Variants in SENP2 observed in about 807,000 individuals in gnomAD.
SENP2 encodes the protein SUMO specific peptidase 2, also known as sentrin-specific protease 2.
In SENP2, 16 loss-of-function variants were observed where a neutral mutation model predicts 86.3. That is an observed-to-expected ratio of 0.19 (90% CI 0.13 to 0.28). The LOEUF (loss-of-function observed/expected upper bound fraction) is 0.28, where lower values mean the gene tolerates loss of function less well. SENP2 is among the 10% of genes least tolerant of loss of function. The probability of loss-of-function intolerance (pLI) is 1.00; values close to 1 mark genes in which losing one functional copy is unlikely to be tolerated. For missense variants in SENP2, 552 were observed against 703.0 expected (o/e 0.79, Z 2.43); for synonymous variants, 222 against 238.7 (o/e 0.93, Z 0.64).
At chr3:185,621,482 C>T (rs1229434905) in intron 13 of SENP2, among the ~76,000 whole-genome samples, 2 of 149,302 alleles carry the variant, frequency 1.3e-5, no homozygotes, top group African/African-American at 4.9e-5. Context: ...CTCTGCCTCC[C>T]GGGTTCAAGT....
In SENP2 at chr3:185,613,418, A is replaced by T. The variant is rs774383706; in HGVS notation, c.933+10A>T. ...ATTTGAAAATGAAAGTGTAAGTAAA[A>T]ATCCTAGTTACATTTGATACCTGTT... On this transcript the variant is annotated intron_variant, in intron 10 of 16. Transcript: ENST00000296257. 1 of 1,550,162 alleles carries T rather than the reference A, an allele frequency of 6.5e-7. No individual in the cohort carries two copies. The highest frequency in any genetic ancestry group is 8.9e-7 in the Non-Finnish European group (1 of 1,125,204).
chr3:185,631,239 T>A lies in SENP2; in HGVS notation c.*1395T>A, dbSNP rs1712443337. ...TCTACACGCCTGCCATTTGCAGTGC[T>A]CCGGCTGCTGGTCCCAGAGGTATAC... On this transcript the variant is annotated 3_prime_UTR_variant, in exon 17 of 17. Coordinates refer to ENST00000296257, the MANE Select transcript of SENP2 (RefSeq NM_021627.3). The A allele has an allele frequency of 6.6e-6, 1 of 152,072 alleles. No homozygotes were observed. The highest frequency in any genetic ancestry group is 1.5e-5 in the Non-Finnish European group (1 of 68,012). 9.4% of individuals were successfully genotyped at this position (152,072 alleles called of 1,614,324 possible). A position where few individuals can be genotyped will look rare whatever the true frequency, so the allele number is the denominator to read the frequency against.
chr3:185,626,443 G>T, intron 16 of SENP2, 50 bp downstream of exon 16: 1 of 1,323,096 alleles, frequency 7.6e-7, no homozygotes, highest in Non-Finnish European at 1.1e-6. Flanking sequence ...GCAAGATAAG[G>T]CACTTGGCCA....
Position 185,600,834 on chromosome 3 carries a change from G to T in SENP2, c.428G>T (p.Arg143Leu). ...GTGACAGTTACCCGAGATCAGCCAC[G>T]CAGAGTCCTGCCTTCCTTTGGGTAA... Reference protein sequence around the residue: ...IRVTVTRDQPRRVLPSFGFTL... With the variant: ...IRVTVTRDQPLRVLPSFGFTL... Residue 143 changes from arginine to leucine, a missense_variant, in exon 5 of 17, where the codon CGC becomes CTC. Transcript: ENST00000296257. The T allele has an allele frequency of 6.2e-7, 1 of 1,610,142 alleles. No homozygotes were observed. Among genetic ancestry groups the T allele is most frequent in the Non-Finnish European group, 8.5e-7 (1 of 1,176,488 alleles).
intron 5 of SENP2, 91 bp from the exon 6 acceptor site, chr3:185,606,239 G>A: frequency 1.6e-6 from 2 of 1,229,682 alleles, no homozygotes; most frequent in Non-Finnish European, 2.2e-6. Context: ...TTGACCTAAA[G>A]CAACTTAATC....
chr3:185,629,716 C>T, intron 16 of SENP2, 66 bp from the exon 17 acceptor site: 2 of 1,475,542 alleles, frequency 1.4e-6, no homozygotes, highest in Non-Finnish European at 1.9e-6. Context: ...CATGATTACA[C>T]CTGAAGGTTG....
intron 2 of SENP2, 159 bp from the exon 3 acceptor site, chr3:185,598,253 A>G (rs1577721769): frequency 1.4e-6 from 1 of 725,398 alleles, no homozygotes. Context: ...CAATCCTCCC[A>G]CCTCAGCCTC....
chr3:185,608,464 A>G lies in SENP2; in HGVS notation c.619-783A>G, dbSNP rs560288175. On this transcript the variant is annotated intron_variant, in intron 6 of 16. Coordinates refer to ENST00000296257, the MANE Select transcript of SENP2 (RefSeq NM_021627.3). ...ATGTGTCACTTACAAAGATAACCCT[A>G]TGTTTATGGGGAAGATGATGACTCC... Among the ~76,000 whole-genome samples, 4 of 152,304 alleles carry G rather than the reference A, an allele frequency of 2.6e-5. No individual in the cohort carries two copies. In the East Asian group the frequency reaches 5.8e-4, roughly 22 times the overall value.
chr3:185,627,703 G>A (rs757723647), intron 16 of SENP2, among the ~76,000 whole-genome samples: 9 of 152,148 alleles, frequency 5.9e-5, no homozygotes, highest in Admixed American at 2.0e-4. Context: ...GAGCCACCGC[G>A]CCTGGCCTGT....
At chr3:185,623,821 T>C (rs140684376) in intron 14 of SENP2, among the ~76,000 whole-genome samples, 177 bp from the exon 15 acceptor site, 8,940 of 76,872 alleles carry the variant, frequency 0.12, 478 homozygotes, top group South Asian at 0.36. Context: ...AGCGAGACTC[T>C]GTCTCAAAAA....
At chr3:185,609,892 T>G (rs766166261) in intron 7 of SENP2, among the ~76,000 whole-genome samples, 22 of 152,266 alleles carry the variant, frequency 1.4e-4, no homozygotes, top group Non-Finnish European at 2.8e-4. Flanking sequence ...GAGACAAGAT[T>G]AAAGTCTCCC....
intron 1 of SENP2, among the ~76,000 whole-genome samples, chr3:185,588,660 T>C (rs1345626948): frequency 6.6e-6 from 1 of 152,188 alleles, no homozygotes. Context: ...ATACATGGTT[T>C]TGCCTTATTT....
At chr3:185,626,990 A>G (rs1712175830) in intron 16 of SENP2, among the ~76,000 whole-genome samples, 1 of 149,436 alleles carries the variant, frequency 6.7e-6, no homozygotes, top group Admixed American at 6.8e-5. Flanking sequence ...GAGGCAGGAG[A>G]ATTGCTTGAA....
At chr3:185,592,981 A>C (rs994313469) in intron 2 of SENP2, among the ~76,000 whole-genome samples, 1 of 152,170 alleles carries the variant, frequency 6.6e-6, no homozygotes, top group Non-Finnish European at 1.5e-5. Context: ...ATCACATAAT[A>C]ATGCTAATGT....
At chr3:185,591,640 C>T (rs939719658) in intron 2 of SENP2, among the ~76,000 whole-genome samples, 5 of 152,278 alleles carry the variant, frequency 3.3e-5, no homozygotes, top group East Asian at 3.9e-4. Context: ...CGTGAGCCCC[C>T]GCGCCTGGCC....
rs888824271 is a variant in SENP2, at chr3:185,586,620, C to A, written c.101+106C>A. ...TCAGCCAGGCTCACCCGAAACAGGT[C>A]GCCGGGATCCTAGTGACGTAGTCGC... On this transcript the variant is annotated intron_variant, in intron 1 of 16. Transcript: ENST00000296257. The surrounding 1 kb of genome is among the most constrained non-coding windows in gnomAD (Gnocchi z 4.3). 5 of 1,047,384 alleles carry A rather than the reference C, an allele frequency of 4.8e-6. No individual in the cohort carries two copies. In the African/African-American group the frequency reaches 7.8e-5, roughly 16 times the overall value. The allele number at this position is 1,047,384 out of a possible 1,614,324, so 64.9% of individuals were successfully genotyped here.
chr3:185,618,205 AAGT>A (rs1403305849), intron 12 of SENP2, among the ~76,000 whole-genome samples: 1 of 152,182 alleles, frequency 6.6e-6, no homozygotes. Context: ...TGGCCTCCCA[AAGT>A]GCTGGGATTA....
rs549399785 is a variant in SENP2 at position 185,632,251 on chromosome 3, T to G, written c.*2407T>G. On this transcript the variant is annotated 3_prime_UTR_variant, in exon 17 of 17. Transcript: ENST00000296257. ...TTTTTTTTTTTGTTTTTTTTTTTTT[T>G]TTTTGCGACAGAGTCTCTTGTCGCC... The G allele has an allele frequency of 5.7e-4, 77 of 134,596 alleles. No individual in the cohort carries two copies. The highest frequency in any genetic ancestry group is 1.9e-3 in the African/African-American group (68 of 35,036). The allele number at this position is 134,596 out of a possible 1,614,324, so 8.3% of individuals were successfully genotyped here.
intron 15 of SENP2, among the ~76,000 whole-genome samples, chr3:185,624,397 C>G (rs939891665): frequency 6.6e-6 from 1 of 152,084 alleles, no homozygotes; most frequent in African/African-American, 2.4e-5. Context: ...CTTTCATCTT[C>G]TTGTCTAAAT....
Sources: gnomAD v4.1 joint callset for allele counts (sites outside exome capture counted in the v4.1 genomes callset) on GRCh38, gnomAD v4.1.1 for gene constraint, Gnocchi (gnomAD v3.1) non-coding constraint, MANE v1.5 for transcripts, NCBI Gene and HGNC (gene_info 2026-07-23, HGNC 2026-07-21) for gene names.